ANXA4: variants seen among roughly 807,000 people sequenced by gnomAD.
ANXA4 encodes the protein 35-beta calcimedin.
A neutral mutation model predicts 49.8 loss-of-function variants in ANXA4; 39 were observed. The ratio of observed to expected loss-of-function variants is 0.78; its 90% confidence interval spans 0.61 to 1.02. The LOEUF (loss-of-function observed/expected upper bound fraction) is 1.02, where lower values mean the gene tolerates loss of function less well. Among genes scored for constraint, ANXA4 ranks in the 50% least tolerant of loss-of-function variants. The probability of loss-of-function intolerance (pLI) is 0.00; values close to 1 mark genes in which losing one functional copy is unlikely to be tolerated. For synonymous variants in ANXA4, 134 were observed against 152.5 expected (o/e 0.88, Z 0.89); for missense variants, 360 against 410.1 (o/e 0.88, Z 1.05).
intron 1 of ANXA4, among the ~76,000 whole-genome samples, chr2:69,780,350 A>C (rs1672144182): frequency 6.6e-6 from 1 of 151,764 alleles, no homozygotes; most frequent in South Asian, 2.1e-4. Flanking sequence ...GTGTGCCACT[A>C]CCCCCCAGCT....
At chr2:69,713,470 A>G (rs192875606) in intron 2 of ANXA4, 1 of 152,340 alleles carries the variant, frequency 6.6e-6, no homozygotes, top group East Asian at 1.9e-4. Flanking sequence ...GTATGTGCCA[A>G]TCTCCATGGT....
chr2:69,816,313 G>T (rs1673991578), intron 9 of ANXA4, 119 bp downstream of exon 9: 2 of 761,066 alleles, frequency 2.6e-6, no homozygotes, highest in South Asian at 3.3e-5. Context: ...TTGTACCCAA[G>T]TGTCTTAGAT....
intron 3 of ANXA4, among the ~76,000 whole-genome samples, chr2:69,788,980 C>T (rs1333235870): frequency 6.6e-6 from 1 of 152,072 alleles, no homozygotes; most frequent in African/African-American, 2.4e-5. Context: ...ATTAGTTCTT[C>T]ACTTTAATAA....
chr2:69,812,955 C>T (rs941311647), intron 8 of ANXA4, among the ~76,000 whole-genome samples: 1 of 152,106 alleles, frequency 6.6e-6, no homozygotes. Flanking sequence ...TGTGGCAATC[C>T]CAGAGAACCA....
At chr2:69,775,249 G>T (rs1310585617) in intron 1 of ANXA4, among the ~76,000 whole-genome samples, 1 of 152,146 alleles carries the variant, frequency 6.6e-6, no homozygotes, top group Non-Finnish European at 1.5e-5. Flanking sequence ...TGGCTAGAGC[G>T]CAGACTCACT....
At chr2:69,711,289 C>T (rs546074485) in intron 2 of ANXA4, among the ~76,000 whole-genome samples, 1 of 152,284 alleles carries the variant, frequency 6.6e-6, no homozygotes, top group African/African-American at 2.4e-5. Context: ...GAGAAACAAC[C>T]CAAATGTCCA....
intron 7 of ANXA4, among the ~76,000 whole-genome samples, chr2:69,811,991 T>G (rs984300995): frequency 2.6e-5 from 4 of 152,164 alleles, no homozygotes; most frequent in African/African-American, 9.7e-5. Flanking sequence ...TTAGCATTCT[T>G]CAGAGGCTTC....
At chr2:69,653,928 T>C (rs1676344233) in intron 2 of ANXA4, among the ~76,000 whole-genome samples, 2 of 152,202 alleles carry the variant, frequency 1.3e-5, no homozygotes, top group South Asian at 4.1e-4. Flanking sequence ...ATGGAATGTT[T>C]TTCCATTTGT....
chr2:69,728,319 C>G (rs112795121), intron 3 of ANXA4, among the ~76,000 whole-genome samples: 8 of 152,240 alleles, frequency 5.3e-5, no homozygotes, highest in African/African-American at 1.9e-4. Flanking sequence ...AATATCTTAT[C>G]CTACTCTAAG....
chr2:69,677,654 G>C (rs1677455943), intron 2 of ANXA4, among the ~76,000 whole-genome samples: 1 of 152,162 alleles, frequency 6.6e-6, no homozygotes, highest in Admixed American at 6.5e-5. Flanking sequence ...CTAATGGATG[G>C]CACTTTGGCA....
chr2:69,804,556 A>C lies in ANXA4; in HGVS notation c.121A>C (p.Ser41Arg). 1 of 1,613,916 alleles carries C rather than the reference A, an allele frequency of 6.2e-7. No homozygotes were observed. The highest frequency in any genetic ancestry group is 8.5e-7 in the Non-Finnish European group (1 of 1,179,918). The change falls in exon 4 of 13, where the codon AGC (serine) becomes CGC (arginine). Residue 41 changes from serine to arginine, a missense_variant. Coordinates refer to ENST00000394295, the MANE Select transcript of ANXA4 (RefSeq NM_001153.5). Reference sequence around the variant, plus strand: ...AGGCACCGATGAAGACGCCATTATTAGCGTCCTTGCCTACCGCAACACCGC... The same window carrying C: ...AGGCACCGATGAAGACGCCATTATTCGCGTCCTTGCCTACCGCAACACCGC... Reference protein sequence around the residue: ...GLGTDEDAIISVLAYRNTAQR... With the variant: ...GLGTDEDAIIRVLAYRNTAQR...
intron 2 of ANXA4, among the ~76,000 whole-genome samples, chr2:69,686,245 C>T (rs1349691526): frequency 2.0e-5 from 3 of 151,906 alleles, no homozygotes; most frequent in Admixed American, 6.6e-5. Flanking sequence ...AGTGCAATGG[C>T]GTGATCTCTT....
chr2:69,654,904 C>G (rs1168974591), intron 2 of ANXA4, among the ~76,000 whole-genome samples: 2 of 152,090 alleles, frequency 1.3e-5, no homozygotes, highest in South Asian at 4.1e-4. Flanking sequence ...TTTGACAAAC[C>G]TGACAAAAAC....
chr2:69,792,150 C>G (rs1672720171), intron 3 of ANXA4, among the ~76,000 whole-genome samples: 1 of 152,174 alleles, frequency 6.6e-6, no homozygotes, highest in Non-Finnish European at 1.5e-5. Flanking sequence ...TAAAGTTTGA[C>G]TTTGGGAAGC....
chr2:69,730,613 C>T (rs1670072285), intron 3 of ANXA4, among the ~76,000 whole-genome samples: 1 of 152,208 alleles, frequency 6.6e-6, no homozygotes, highest in South Asian at 2.1e-4. Context: ...ACTGTCTGCT[C>T]AGTATCCACC....
chr2:69,671,342 G>T (rs1352054049), intron 2 of ANXA4, among the ~76,000 whole-genome samples: 1 of 152,150 alleles, frequency 6.6e-6, no homozygotes, highest in Non-Finnish European at 1.5e-5. Flanking sequence ...TCCTGAATAT[G>T]TAAAGAACTC....
intron 2 of ANXA4, among the ~76,000 whole-genome samples, chr2:69,783,812 C>G (rs1672300205): frequency 1.3e-5 from 2 of 152,176 alleles, no homozygotes; most frequent in Non-Finnish European, 2.9e-5. Flanking sequence ...TGAGTGTTAT[C>G]ATAAGTTAGT....
At chr2:69,748,031 C>T (rs1670682078) in intron 1 of ANXA4, among the ~76,000 whole-genome samples, 1 of 151,968 alleles carries the variant, frequency 6.6e-6, no homozygotes, top group African/African-American at 2.4e-5. Context: ...AACGGATCCC[C>T]TTTGCCCTCT....
At chr2:69,673,504 TG>T (rs1394379970) in intron 2 of ANXA4, among the ~76,000 whole-genome samples, 1 of 23,772 alleles carries the variant, frequency 4.2e-5, no homozygotes, top group African/African-American at 1.7e-4. Context: ...GGTTGGGGGT[TG>T]GGGATTGGGG....
Sources: gnomAD v4.1 joint callset for allele counts (sites outside exome capture counted in the v4.1 genomes callset) on GRCh38, gnomAD v4.1.1 for gene constraint, MANE v1.5 for transcripts, NCBI Gene and HGNC (gene_info 2026-07-23, HGNC 2026-07-21) for gene names.